Variants in CELF2 observed in about 807,000 individuals in gnomAD.
CELF2 encodes CUG triplet repeat RNA-binding protein 2.
CELF2 carries 8 observed loss-of-function variants against 62.6 expected under a neutral mutation model. The ratio of observed to expected loss-of-function variants is 0.13; its 90% CI spans 0.07 to 0.23. The LOEUF (loss-of-function observed/expected upper bound fraction) is 0.23. Among genes scored for constraint, CELF2 ranks in the 10% least tolerant of loss-of-function variants. The pLI is 1.00. For missense variants in CELF2, 333 were observed against 671.0 expected, an observed-to-expected ratio of 0.50 and a Z score of 5.56; for synonymous variants, 258 against 250.0, an observed-to-expected ratio of 1.03 and a Z score of -0.30.
intron 9 of CELF2, among the ~76,000 whole-genome samples, chr10:11,301,414 A>C (rs1428094932): frequency 7.1e-3 from 66 of 9,268 alleles, no homozygotes; most frequent in Admixed American, 0.01. Flanking sequence ...CCCCTCCCGC[A>C]CCCCACCCTG....
chr10:10,828,012 A>C (rs1227287414), intron 1 of CELF2, among the ~76,000 whole-genome samples: 9 of 150,154 alleles, frequency 6.0e-5, no homozygotes, highest in Non-Finnish European at 1.2e-4. Flanking sequence ...AAAAAAAAAA[A>C]AAAAAAAAAA....
At chr10:10,774,617 T>C in the CELF2 span, among the ~76,000 whole-genome samples, 1 of 152,322 alleles carries the variant, frequency 6.6e-6, no homozygotes, top group Non-Finnish European at 1.5e-5. Flanking sequence ...AAGTTTCCCA[T>C]GGCCTCCTCA....
the CELF2 span, among the ~76,000 whole-genome samples, chr10:10,748,306 C>T: frequency 2.2e-3 from 334 of 152,182 alleles, 2 homozygotes; most frequent in African/African-American, 7.5e-3. Context: ...GATCGTTGCA[C>T]GGTCTATGCG....
At chr10:10,526,785 T>C in the CELF2 span, among the ~76,000 whole-genome samples, 6 of 152,230 alleles carry the variant, frequency 3.9e-5, no homozygotes, top group African/African-American at 1.4e-4. Context: ...GATTTCTGTA[T>C]CTAATGGCAC....
chr10:10,483,189 A>G, the CELF2 span, among the ~76,000 whole-genome samples: 1 of 148,564 alleles, frequency 6.7e-6, no homozygotes, highest in African/African-American at 2.5e-5. Flanking sequence ...TTTGGTAAAC[A>G]GTTCAGTCCA....
intron 1 of CELF2, among the ~76,000 whole-genome samples, chr10:10,909,693 C>T (rs1564804953): frequency 1.3e-5 from 2 of 152,206 alleles, no homozygotes; most frequent in African/African-American, 2.4e-5. Flanking sequence ...CGAATGAAGT[C>T]CCTTGATATC....
the CELF2 span, among the ~76,000 whole-genome samples, chr10:10,620,939 AAAG>A: frequency 1.4e-5 from 2 of 139,110 alleles, no homozygotes; most frequent in Non-Finnish European, 3.1e-5. Flanking sequence ...AAAAAAAAAA[AAAG>A]GCGGAGCGCG....
At chr10:10,702,999 A>T in the CELF2 span, among the ~76,000 whole-genome samples, 505 of 152,332 alleles carry the variant, frequency 3.3e-3, 3 homozygotes, top group African/African-American at 0.012. Context: ...AAAACCATTT[A>T]TAGGGTTTAC....
intron 1 of CELF2, chr10:11,071,799 GT>G (rs746385735): frequency 5.9e-5 from 9 of 152,136 alleles, no homozygotes; most frequent in Non-Finnish European, 1.2e-4. Context: ...TATAATCTCA[GT>G]TCTTCTTACC....
the CELF2 span, among the ~76,000 whole-genome samples, chr10:10,561,904 G>A: frequency 1.3e-5 from 2 of 152,152 alleles, no homozygotes; most frequent in Non-Finnish European, 2.9e-5. Flanking sequence ...GGGCCTAGGT[G>A]CAGGTTCAGC....
intron 3 of CELF2, among the ~76,000 whole-genome samples, chr10:11,230,052 C>T (rs2068069031): frequency 1.3e-5 from 2 of 152,178 alleles, no homozygotes; most frequent in Non-Finnish European, 1.5e-5. Context: ...CTCTGACCTG[C>T]TCATCATCTT....
At chr10:11,320,985 AGGGTTCT>A in intron 10 of CELF2, 197 bp from the exon 11 acceptor site, 1 of 1,464,214 alleles carries the variant, frequency 6.8e-7, no homozygotes, top group East Asian at 2.5e-5. Context: ...CTAGGGAGTG[AGGGTTCT>A]CATGGCTTAG....
the CELF2 span, among the ~76,000 whole-genome samples, chr10:10,703,825 G>C: frequency 2.0e-4 from 30 of 152,228 alleles, no homozygotes; most frequent in Non-Finnish European, 3.7e-4. Flanking sequence ...AGAATTGCAT[G>C]TAACTAAGTT....
chr10:10,740,780 C>T, the CELF2 span, among the ~76,000 whole-genome samples: 1 of 152,090 alleles, frequency 6.6e-6, no homozygotes, highest in Non-Finnish European at 1.5e-5. Flanking sequence ...CCATTTGTGA[C>T]AACATGGATG....
At chr10:10,901,731 T>G (rs1452628807) in intron 1 of CELF2, among the ~76,000 whole-genome samples, 1 of 152,176 alleles carries the variant, frequency 6.6e-6, no homozygotes, top group Non-Finnish European at 1.5e-5. Context: ...AGTCACAGAC[T>G]AGGAGAAAAT....
the CELF2 span, among the ~76,000 whole-genome samples, chr10:10,527,769 TG>T: frequency 6.6e-6 from 1 of 152,212 alleles, no homozygotes; most frequent in African/African-American, 2.4e-5. Flanking sequence ...TGTTCTCCTC[TG>T]GGGCTTTGAC....
At chr10:10,771,376 C>A in the CELF2 span, among the ~76,000 whole-genome samples, 1 of 152,282 alleles carries the variant, frequency 6.6e-6, no homozygotes, top group East Asian at 1.9e-4. Flanking sequence ...AGAAGCCTGT[C>A]TTTAGAACAA....
intron 2 of CELF2, among the ~76,000 whole-genome samples, chr10:10,987,574 C>T (rs1321475320): frequency 6.6e-6 from 1 of 152,014 alleles, no homozygotes; most frequent in Admixed American, 6.6e-5. Context: ...TGATGTAGTT[C>T]AGAGATAGAG....
At chr10:11,298,546 T>A (rs1025682607) in intron 9 of CELF2, among the ~76,000 whole-genome samples, 9 of 152,174 alleles carry the variant, frequency 5.9e-5, no homozygotes, top group African/African-American at 2.2e-4. Flanking sequence ...TAACAGAGGA[T>A]TTCTAATTAT....
Sources: gnomAD v4.1 joint callset for allele counts (sites outside exome capture counted in the v4.1 genomes callset) on GRCh38, gnomAD v4.1.1 for gene constraint, MANE v1.5 for transcripts, NCBI Gene and HGNC (gene_info 2026-07-23, HGNC 2026-07-21) for gene names.